CNTN5: variants seen among roughly 807,000 people sequenced by gnomAD.
CNTN5 encodes contactin-5.
Under a neutral mutation model 129.1 loss-of-function variants are expected in CNTN5, and 77 were observed. The observed-to-expected ratio is 0.60, with a 90% confidence interval of 0.50 to 0.72. The LOEUF (loss-of-function observed/expected upper bound fraction) is 0.72, where lower values mean the gene tolerates loss of function less well. Ranked by LOEUF, CNTN5 falls within the 30% of genes least tolerant of loss-of-function variation. The pLI is 0.00. For missense variants in CNTN5, 1,478 were observed against 1,328.8 expected (o/e 1.11, Z -1.75); for synonymous variants, 509 against 465.6 (o/e 1.09, Z -1.20).
intron 3 of CNTN5, among the ~76,000 whole-genome samples, chr11:99,743,033 A>G (rs895817989): frequency 1.3e-5 from 2 of 152,200 alleles, no homozygotes; most frequent in Admixed American, 1.3e-4. Context: ...TTAAAATTGG[A>G]CAGCTACTCT....
intron 9 of CNTN5, among the ~76,000 whole-genome samples, chr11:100,024,307 G>C (rs973636121): frequency 6.6e-6 from 1 of 152,088 alleles, no homozygotes; most frequent in Non-Finnish European, 1.5e-5. Context: ...ATGATTGTAA[G>C]TTTCCTGAGG....
chr11:99,149,981 T>G (rs1267226413), intron 1 of CNTN5, among the ~76,000 whole-genome samples: 1 of 152,118 alleles, frequency 6.6e-6, no homozygotes, highest in Non-Finnish European at 1.5e-5. Context: ...TAGAGCTTAT[T>G]ATGATACCTG....
intron 3 of CNTN5, among the ~76,000 whole-genome samples, chr11:99,677,319 A>C (rs560068738): frequency 6.8e-6 from 1 of 146,034 alleles, no homozygotes; most frequent in Non-Finnish European, 1.5e-5. Context: ...TTACATGTTC[A>C]TGGGAGCTGT....
intron 13 of CNTN5, among the ~76,000 whole-genome samples, chr11:100,125,818 G>A (rs891450822): frequency 4.6e-5 from 7 of 151,702 alleles, no homozygotes; most frequent in Non-Finnish European, 8.8e-5. Flanking sequence ...CTTTTCTGCC[G>A]TGATTTTAGT....
chr11:99,152,712 A>C (rs1165904364), intron 1 of CNTN5, among the ~76,000 whole-genome samples: 4 of 152,148 alleles, frequency 2.6e-5, no homozygotes, highest in Non-Finnish European at 4.4e-5. Flanking sequence ...ATCATGCCAG[A>C]CTTCATTGTG....
chr11:100,265,993 G>A (rs1006640995), intron 17 of CNTN5, among the ~76,000 whole-genome samples: 1 of 152,102 alleles, frequency 6.6e-6, no homozygotes, highest in African/African-American at 2.4e-5. Flanking sequence ...ACTCAGATAT[G>A]CTTCTTAAAT....
chr11:99,738,912 C>G (rs2135146264), intron 3 of CNTN5, among the ~76,000 whole-genome samples: 1 of 152,246 alleles, frequency 6.6e-6, no homozygotes, highest in Non-Finnish European at 1.5e-5. Flanking sequence ...CTAGCTTACG[C>G]TTGTTATACT....
At chr11:99,351,920 G>A (rs539525835) in intron 2 of CNTN5, among the ~76,000 whole-genome samples, 141 of 152,270 alleles carry the variant, frequency 9.3e-4, no homozygotes, top group African/African-American at 3.2e-3. Context: ...TGATTAGAAC[G>A]TACCAAAGGG....
chr11:99,053,512 C>T (rs964435920), intron 1 of CNTN5, among the ~76,000 whole-genome samples: 2 of 151,844 alleles, frequency 1.3e-5, no homozygotes, highest in African/African-American at 4.8e-5. Flanking sequence ...CTGATTGATA[C>T]AGCTGTGGGA....
At chr11:99,919,115 A>G (rs915975220) in intron 7 of CNTN5, among the ~76,000 whole-genome samples, 7 of 152,172 alleles carry the variant, frequency 4.6e-5, no homozygotes, top group African/African-American at 1.7e-4. Flanking sequence ...TGGGAGCAGC[A>G]TTCTTCTGCA....
intron 1 of CNTN5, among the ~76,000 whole-genome samples, chr11:99,239,023 A>G (rs1206156045): frequency 6.6e-6 from 1 of 152,132 alleles, no homozygotes; most frequent in Non-Finnish European, 1.5e-5. Flanking sequence ...TTTATGTAGT[A>G]GTTTATTTCT....
chr11:99,435,244 T>G (rs1943554124), intron 2 of CNTN5, among the ~76,000 whole-genome samples: 1 of 152,160 alleles, frequency 6.6e-6, no homozygotes, highest in African/African-American at 2.4e-5. Flanking sequence ...GAAGTACATT[T>G]TTCAAGACAT....
intron 6 of CNTN5, among the ~76,000 whole-genome samples, chr11:99,892,863 A>G (rs563477250): frequency 6.6e-6 from 1 of 152,322 alleles, no homozygotes; most frequent in Non-Finnish European, 1.5e-5. Flanking sequence ...AATTCTGTGA[A>G]GAAAGTCAAT....
At chr11:100,092,577 T>C (rs1056205955) in intron 13 of CNTN5, among the ~76,000 whole-genome samples, 2 of 152,198 alleles carry the variant, frequency 1.3e-5, no homozygotes, top group Admixed American at 6.5e-5. Flanking sequence ...CCCTTTGATA[T>C]AGCTTTGCTC....
chr11:100,319,887 T>G (rs1381302778), intron 21 of CNTN5, among the ~76,000 whole-genome samples: 3 of 152,214 alleles, frequency 2.0e-5, no homozygotes, highest in Admixed American at 2.0e-4. Context: ...AGGATTTCTT[T>G]CTTTTTTATA....
intron 13 of CNTN5, among the ~76,000 whole-genome samples, chr11:100,112,481 T>A (rs1270497210): frequency 6.6e-6 from 1 of 152,156 alleles, no homozygotes; most frequent in Non-Finnish European, 1.5e-5. Flanking sequence ...ACCGAAAATG[T>A]AACATATATC....
chr11:99,594,081 G>A (rs1379179223), intron 3 of CNTN5, among the ~76,000 whole-genome samples: 1 of 152,100 alleles, frequency 6.6e-6, no homozygotes, highest in Non-Finnish European at 1.5e-5. Flanking sequence ...AGGCCTGATT[G>A]TTGTTCTGCC....
chr11:99,673,377 G>T (rs1953130303), intron 3 of CNTN5, among the ~76,000 whole-genome samples: 1 of 152,148 alleles, frequency 6.6e-6, no homozygotes. Flanking sequence ...TGATTATACA[G>T]AGTCATGGTA....
chr11:100,243,127 A>G (rs1243101971), intron 16 of CNTN5, among the ~76,000 whole-genome samples: 1 of 152,218 alleles, frequency 6.6e-6, no homozygotes, highest in Non-Finnish European at 1.5e-5. Context: ...TGTAGTGTGC[A>G]CGTGCGTGTG....
Sources: gnomAD v4.1 joint callset for allele counts (sites outside exome capture counted in the v4.1 genomes callset) on GRCh38, gnomAD v4.1.1 for gene constraint, MANE v1.5 for transcripts, NCBI Gene and HGNC (gene_info 2026-07-23, HGNC 2026-07-21) for gene names.